The following PKHD1 variants were observed in gnomAD, a reference collection of about 807,000 sequenced individuals.
PKHD1 encodes PKHD1 ciliary IPT domain containing fibrocystin/polyductin.
In PKHD1, 291 loss-of-function variants were observed where a neutral mutation model predicts 412.0. That is an observed-to-expected ratio of 0.71 (90% CI 0.64 to 0.78). The LOEUF (loss-of-function observed/expected upper bound fraction) is 0.78, where lower values mean the gene tolerates loss of function less well. Ranked by LOEUF, PKHD1 falls within the 30% of genes least tolerant of loss-of-function variation. The probability of loss-of-function intolerance (pLI) is 0.00; values close to 1 mark genes in which losing one functional copy is unlikely to be tolerated. For missense variants in PKHD1, 4,825 were observed against 4,950.7 expected, an observed-to-expected ratio of 0.97 and a Z score of 0.76; for synonymous variants, 1,777 against 1,821.5, an observed-to-expected ratio of 0.98 and a Z score of 0.62.
At chr6:51,841,771 T>G (rs1293355333) in intron 50 of PKHD1, among the ~76,000 whole-genome samples, 2 of 152,154 alleles carry the variant, frequency 1.3e-5, no homozygotes, top group African/African-American at 4.8e-5. Flanking sequence ...CCTCCTTAGA[T>G]CCTAAAGGAA....
At chr6:51,775,480 C>T (rs887035046) in intron 54 of PKHD1, among the ~76,000 whole-genome samples, 1 of 151,840 alleles carries the variant, frequency 6.6e-6, no homozygotes, top group Non-Finnish European at 1.5e-5. Flanking sequence ...ATAAATGTAT[C>T]AATAATCGAG....
chr6:51,946,432 A>G (rs1026064550), intron 36 of PKHD1, among the ~76,000 whole-genome samples: 2 of 152,244 alleles, frequency 1.3e-5, no homozygotes, highest in African/African-American at 4.8e-5. Context: ...GATAAAGTTT[A>G]TACTTAATCT....
rs147896869 is a variant in PKHD1, at chr6:52,080,955, G to A, written c.282-947C>T. Among the ~76,000 whole-genome samples the A allele has an allele frequency of 2.6e-5, 4 of 152,244 alleles. No individual in the cohort carries two copies. The East Asian group carries it at 7.7e-4, about 29-fold the overall frequency. On this transcript the variant is annotated intron_variant, in intron 4 of 66. Transcript: ENST00000371117. ...TTTGTGTTCACATTATATTTTGATT[G>A]TGAAGTGCTGCTTTTGATGCTGCAA...
At chr6:52,059,766 G>T (rs576659107) in intron 15 of PKHD1, among the ~76,000 whole-genome samples, 162 bp downstream of exon 15, 1 of 152,152 alleles carries the variant, frequency 6.6e-6, no homozygotes, top group Admixed American at 6.5e-5. Flanking sequence ...TAAATAGTAC[G>T]TTCACATTCA....
In PKHD1 at chr6:52,050,308, G is replaced by A. The variant is rs750218183; in HGVS notation, c.2141-13C>T. On this transcript the variant is annotated splice_polypyrimidine_tract_variant and intron_variant, in intron 21 of 66. Transcript: ENST00000371117. ...TCAGCTTGAGAAACTAGAGACCAGT[G>A]ATCCAATTACTATCAAGTGACTTAA... is the stretch of plus-strand genomic sequence containing the variant. The A allele has an allele frequency of 5.6e-6, 9 of 1,613,898 alleles. No homozygotes were observed. In the South Asian group the frequency reaches 9.9e-5, roughly 18 times the overall value.
chr6:51,642,982 A>G (rs965566410), intron 63 of PKHD1, among the ~76,000 whole-genome samples: 2 of 152,210 alleles, frequency 1.3e-5, no homozygotes, highest in African/African-American at 2.4e-5. Flanking sequence ...TGGGTAACAC[A>G]TGGAGTAGAC....
At chr6:51,666,804 T>C (rs1346563492) in intron 60 of PKHD1, among the ~76,000 whole-genome samples, 1 of 151,482 alleles carries the variant, frequency 6.6e-6, no homozygotes, top group Admixed American at 6.6e-5. Flanking sequence ...GTTTGGTTTT[T>C]TGTTCTTGCG....
rs774390629 is a variant in PKHD1, at chr6:52,076,344, A to G, written c.391-11T>C. ...CTGCGCCTTGGAAAACTGTTTAGAAAATAGTACCACAAGTGAGCATGTCAT... is the reference window on the plus strand; with the variant it reads ...CTGCGCCTTGGAAAACTGTTTAGAAGATAGTACCACAAGTGAGCATGTCAT... On this transcript the variant is annotated splice_polypyrimidine_tract_variant and intron_variant, in intron 5 of 66. Coordinates refer to ENST00000371117, the MANE Select transcript of PKHD1 (RefSeq NM_138694.4). The G allele has an allele frequency of 1.2e-6, 2 of 1,605,000 alleles. No homozygotes were observed. The highest frequency in any genetic ancestry group is 1.7e-6 in the Non-Finnish European group (2 of 1,171,756).
rs575624671 is a variant in PKHD1 at position 52,028,219 on chromosome 6, G to C, written c.3497C>G (p.Pro1166Arg). ...AATTCTGTGGAGACCAGCTGGCAGTGGGGGCAGTGCCACCTCCAGGCCCCA... is the reference window on the plus strand; with the variant it reads ...AATTCTGTGGAGACCAGCTGGCAGTCGGGGCAGTGCCACCTCCAGGCCCCA... ...SAWGLEVALPPLPAGLHRISV... is the reference protein window; with the variant it reads ...SAWGLEVALPRLPAGLHRISV... The change falls in exon 30 of 67, where the codon CCA becomes CGA. Residue 1166 changes from proline to arginine, a missense_variant. Transcript: ENST00000371117. The C allele has an allele frequency of 6.2e-7, 1 of 1,614,198 alleles. No homozygotes were observed. The highest frequency in any genetic ancestry group is 1.3e-5 in the African/African-American group (1 of 75,044).
chr6:52,071,499 A>G (rs16882056), intron 8 of PKHD1, among the ~76,000 whole-genome samples: 1,921 of 152,226 alleles, frequency 0.013, 41 homozygotes, highest in African/African-American at 0.044. Context: ...ACCATAGAGT[A>G]TCATTCTTGT....
chr6:51,807,597 C>CT (rs1164292363), intron 52 of PKHD1, among the ~76,000 whole-genome samples: 2 of 149,506 alleles, frequency 1.3e-5, no homozygotes, highest in African/African-American at 2.5e-5. Context: ...GAACAGGATT[C>CT]TTTTAAAAGT....
At chr6:51,866,675 A>C (rs2151753159) in intron 48 of PKHD1, among the ~76,000 whole-genome samples, 1 of 152,264 alleles carries the variant, frequency 6.6e-6, no homozygotes, top group East Asian at 1.9e-4. Context: ...AAGTACACAA[A>C]TCTATTTTCC....
At chr6:51,709,477 T>C (rs1780388910) in intron 60 of PKHD1, among the ~76,000 whole-genome samples, 1 of 152,238 alleles carries the variant, frequency 6.6e-6, no homozygotes, top group South Asian at 2.1e-4. Context: ...GAAGTTAGGA[T>C]ACTCGGAAAA....
At chr6:51,911,670 G>T in intron 39 of PKHD1, 129 bp downstream of exon 39, 5 of 796,150 alleles carry the variant, frequency 6.3e-6, no homozygotes, top group South Asian at 4.4e-5. Flanking sequence ...CTACAGAAAA[G>T]TATGGGCATC....
At chr6:51,899,938 T>A (rs1780942777) in intron 43 of PKHD1, among the ~76,000 whole-genome samples, 1 of 151,888 alleles carries the variant, frequency 6.6e-6, no homozygotes, top group African/African-American at 2.4e-5. Context: ...GAGAATAAAA[T>A]ACCTAGGAAT....
intron 55 of PKHD1, among the ~76,000 whole-genome samples, chr6:51,756,199 G>C (rs1786985857): frequency 6.6e-6 from 1 of 152,028 alleles, no homozygotes; most frequent in Non-Finnish European, 1.5e-5. Context: ...AAGGAATTTA[G>C]AGTCTTAGCT....
intron 24 of PKHD1, among the ~76,000 whole-genome samples, chr6:52,045,581 T>C (rs950383775): frequency 6.6e-6 from 1 of 152,182 alleles, no homozygotes; most frequent in Non-Finnish European, 1.5e-5. Flanking sequence ...CATTAGATTA[T>C]TTTTTAAGAC....
At chr6:51,919,462 G>A (rs996833091) in intron 37 of PKHD1, among the ~76,000 whole-genome samples, 4 of 152,040 alleles carry the variant, frequency 2.6e-5, no homozygotes, top group Non-Finnish European at 5.9e-5. Flanking sequence ...TATTTCTGAG[G>A]GCTCTGTTCT....
At chr6:51,952,459 G>A (rs1200874614) in intron 36 of PKHD1, among the ~76,000 whole-genome samples, 5 of 152,210 alleles carry the variant, frequency 3.3e-5, no homozygotes, top group South Asian at 2.1e-4. Context: ...AATGGTGCTG[G>A]CAACACAAAG....
Sources: gnomAD v4.1 joint callset for allele counts (sites outside exome capture counted in the v4.1 genomes callset) on GRCh38, gnomAD v4.1.1 for gene constraint, MANE v1.5 for transcripts, NCBI Gene and HGNC (gene_info 2026-07-23, HGNC 2026-07-21) for gene names.